The following STRBP variants were observed in gnomAD, a reference collection of about 807,000 sequenced individuals.
STRBP encodes the protein spermatid perinuclear RNA-binding protein.
A neutral mutation model predicts 80.1 loss-of-function variants in STRBP; 13 were observed. The observed-to-expected ratio is 0.16, with a 90% CI of 0.11 to 0.26. The LOEUF (loss-of-function observed/expected upper bound fraction) is 0.26. Ranked by LOEUF, STRBP falls within the 10% of genes least tolerant of loss-of-function variation. The pLI, the probability that STRBP is intolerant of heterozygous loss-of-function variation, is 1.00. For synonymous variants in STRBP, 284 were observed against 291.2 expected, an observed-to-expected ratio of 0.98 and a Z score of 0.25; for missense variants, 485 against 815.2, an observed-to-expected ratio of 0.59 and a Z score of 4.93.
At chr9:123,173,870 T>C in intron 4 of STRBP, 28 bp from the exon 5 acceptor site, 1 of 1,573,232 alleles carries the variant, frequency 6.4e-7, no homozygotes, top group Non-Finnish European at 8.6e-7. Flanking sequence ...CATGATTACT[T>C]TCACAACCTA....
In STRBP at chr9:123,125,288, C is replaced by T. The variant is rs1056081471; in HGVS notation, c.*309G>A. 1 of 1,046,600 alleles carries T rather than the reference C, an allele frequency of 9.6e-7. No individual in the cohort carries two copies. Among genetic ancestry groups the T allele is most frequent in the Non-Finnish European group, 1.2e-6 (1 of 869,298 alleles). 64.8% of individuals were successfully genotyped at this position (1,046,600 alleles called of 1,614,324 possible). On this transcript the variant is annotated 3_prime_UTR_variant, in exon 19 of 19. Transcript: ENST00000348403. ...TACATCCTTCACAAATTTAATTTTA[C>T]ATAATCTGATACGTCTCTTAAAACT...
intron 9 of STRBP, among the ~76,000 whole-genome samples, chr9:123,158,862 G>C (rs910286231): frequency 6.6e-6 from 1 of 152,104 alleles, no homozygotes; most frequent in African/African-American, 2.4e-5. Context: ...ATTCAAAGCA[G>C]ACACAATATA....
intron 2 of STRBP, among the ~76,000 whole-genome samples, chr9:123,217,352 C>T (rs147081098): frequency 6.4e-4 from 97 of 152,154 alleles, no homozygotes; most frequent in Middle Eastern, 3.4e-3. Flanking sequence ...GCATCTTATT[C>T]CAAGAATAAC....
intron 7 of STRBP, among the ~76,000 whole-genome samples, 153 bp from the exon 8 acceptor site, chr9:123,160,615 A>T (rs2037483273): frequency 6.6e-6 from 1 of 152,332 alleles, no homozygotes; most frequent in Admixed American, 6.5e-5. Context: ...ATTAAGGCTT[A>T]AAAAGGTACA....
Position 123,207,952 on chromosome 9 carries a change from C to T in STRBP, c.-164-23654G>A, listed in dbSNP as rs554477469. ...AAATATTTTTAAAATTATGTGAACA[C>T]GTAAGATACGTAGAAACAAAAGGAA... On this transcript the variant is annotated intron_variant, in intron 2 of 18. Coordinates refer to ENST00000348403, the MANE Select transcript of STRBP (RefSeq NM_018387.5). Among the ~76,000 whole-genome samples, 7 of 152,186 alleles carry T rather than the reference C, an allele frequency of 4.6e-5. No individual in the cohort carries two copies. The South Asian group carries it at 8.3e-4, about 18-fold the overall frequency.
At chr9:123,226,945 C>T (rs1024846223) in intron 2 of STRBP, among the ~76,000 whole-genome samples, 7 of 152,122 alleles carry the variant, frequency 4.6e-5, no homozygotes, top group African/African-American at 1.2e-4. Flanking sequence ...TTTCTTGCCA[C>T]GTCATAACAT....
chr9:123,178,915 CA>C, intron 4 of STRBP, 91 bp downstream of exon 4: 2 of 1,262,080 alleles, frequency 1.6e-6, no homozygotes, highest in Non-Finnish European at 2.2e-6. Context: ...AGACAAAATC[CA>C]AAAAACAGCA....
At chr9:123,155,812 A>G (rs2037259004) in intron 11 of STRBP, among the ~76,000 whole-genome samples, 1 of 152,176 alleles carries the variant, frequency 6.6e-6, no homozygotes, top group Non-Finnish European at 1.5e-5. Flanking sequence ...ATTAGTGTTG[A>G]AAAAAATCAC....
chr9:123,118,064 G>A (rs751145616), downstream of STRBP, among the ~76,000 whole-genome samples: 14 of 152,194 alleles, frequency 9.2e-5, no homozygotes, highest in African/African-American at 1.4e-4. Flanking sequence ...CCTGTCGGCC[G>A]CAGCCTTTTA....
chr9:123,219,510 A>G (rs1319443733), intron 2 of STRBP, among the ~76,000 whole-genome samples: 2 of 152,244 alleles, frequency 1.3e-5, no homozygotes, highest in South Asian at 4.1e-4. Flanking sequence ...TGTTTTCAAC[A>G]TGCTTTTCTC....
chr9:123,184,177 C>T lies in STRBP; in HGVS notation c.-43G>A. 6.2e-7 allele frequency: 1 copy of T among 1,605,496 alleles called. No homozygotes were observed. Among genetic ancestry groups the T allele is most frequent in the Non-Finnish European group, 8.5e-7 (1 of 1,174,842 alleles). ...TAGCTTCTTTTTCCGATCCTTTCCCCTCTTTCTTGTCGTCTTCACTAGACA... is the reference window on the plus strand; with the variant it reads ...TAGCTTCTTTTTCCGATCCTTTCCCTTCTTTCTTGTCGTCTTCACTAGACA... On this transcript the variant is annotated 5_prime_UTR_variant, in exon 3 of 19. Coordinates refer to ENST00000348403, the MANE Select transcript of STRBP (RefSeq NM_018387.5).
At chr9:123,259,028 A>T (rs912233723) in intron 1 of STRBP, among the ~76,000 whole-genome samples, 34 of 146,808 alleles carry the variant, frequency 2.3e-4, no homozygotes, top group Admixed American at 2.1e-4. Context: ...CATTCTTGTT[A>T]CTGTATTAAG....
chr9:123,115,101 T>A lies in STRBP; in HGVS notation c.*84+828A>T. The A allele has an allele frequency of 2.4e-6, 1 of 422,100 alleles. No individual in the cohort carries two copies. The allele number at this position is 422,100 out of a possible 1,614,324, so 26.1% of individuals were successfully genotyped here. A position where few individuals can be genotyped will look rare whatever the true frequency, so the allele number is the denominator to read the frequency against. ...GAAGGACACACCACCCAGGGCCTTT[T>A]AAGAAGTGACTGCAGACTGTGTGTC... On this transcript the variant is annotated intron_variant and NMD_transcript_variant, in intron 3 of 3. Transcript: ENST00000471564. This position sits in a 1 kb window ranked among gnomAD's most constrained non-coding sequence, Gnocchi z 5.0.
Position 123,123,970 on chromosome 9 carries a change from A to T in STRBP, c.*1627T>A. ...AGAATGATAAGTTACAGCTATTTCC[A>T]GCAAGTGATGAGGTTTTATTAAAGT... On this transcript the variant is annotated 3_prime_UTR_variant, in exon 19 of 19. Coordinates refer to ENST00000348403, the MANE Select transcript of STRBP (RefSeq NM_018387.5). 1 of 985,450 alleles carries T rather than the reference A, an allele frequency of 1.0e-6. No homozygotes were observed. The highest frequency in any genetic ancestry group is 1.2e-6 in the Non-Finnish European group (1 of 829,940). 61.0% of individuals were successfully genotyped at this position (985,450 alleles called of 1,614,324 possible). A position where few individuals can be genotyped will look rare whatever the true frequency, so the allele number is the denominator to read the frequency against.
chr9:123,187,455 A>G (rs909109603), intron 2 of STRBP, among the ~76,000 whole-genome samples: 6 of 152,122 alleles, frequency 3.9e-5, no homozygotes, highest in African/African-American at 1.4e-4. Context: ...AATAGTATAC[A>G]CCCAATAAAT....
At chr9:123,249,063 G>A (rs1255106936) in intron 1 of STRBP, among the ~76,000 whole-genome samples, 1 of 152,182 alleles carries the variant, frequency 6.6e-6, no homozygotes, top group African/African-American at 2.4e-5. Flanking sequence ...CCATTTCATA[G>A]TAATTTCCAG....
At chr9:123,259,081 G>T (rs948285473) in intron 1 of STRBP, among the ~76,000 whole-genome samples, 3 of 149,986 alleles carry the variant, frequency 2.0e-5, no homozygotes, top group Non-Finnish European at 4.4e-5. Context: ...AAAAAGGGGG[G>T]GGGATTACTG....
At chr9:123,253,128 G>C (rs1245058973) in intron 1 of STRBP, among the ~76,000 whole-genome samples, 1 of 151,990 alleles carries the variant, frequency 6.6e-6, no homozygotes, top group African/African-American at 2.4e-5. Flanking sequence ...ATACTGCTCA[G>C]ACTAAACCAC....
At chr9:123,185,328 A>G (rs1459768778) in intron 2 of STRBP, among the ~76,000 whole-genome samples, 1 of 152,172 alleles carries the variant, frequency 6.6e-6, no homozygotes, top group East Asian at 1.9e-4. Context: ...ATGCTTTGGG[A>G]GGCCAAGACG....
Sources: allele counts gnomAD v4.1 joint callset (sites outside exome capture counted in the v4.1 genomes callset), GRCh38; gene constraint gnomAD v4.1.1; non-coding constraint Gnocchi (gnomAD v3.1); transcripts MANE v1.5; gene names NCBI Gene and HGNC (gene_info 2026-07-23, HGNC 2026-07-21).